HDAC9: variants seen among roughly 807,000 people sequenced by gnomAD.
HDAC9 encodes the protein histone deacetylase 9.
Under a neutral mutation model 139.4 loss-of-function variants are expected in HDAC9, and 41 were observed. That is an observed-to-expected ratio of 0.29 (90% CI 0.23 to 0.38). HDAC9 has a LOEUF of 0.38. Ranked by LOEUF, HDAC9 falls within the 10% of genes least tolerant of loss-of-function variation. The pLI, the probability that HDAC9 is intolerant of heterozygous loss-of-function variation, is 1.00. For missense variants in HDAC9, 1,147 were observed against 1,297.0 expected (o/e 0.88, Z 1.78); for synonymous variants, 517 against 476.2 (o/e 1.09, Z -1.12).
chr7:18,974,753 C>T (rs1456578155), intron 24 of HDAC9, among the ~76,000 whole-genome samples: 2 of 152,172 alleles, frequency 1.3e-5, no homozygotes, highest in Non-Finnish European at 2.9e-5. Flanking sequence ...GTTAGAGCTG[C>T]AAGAGACTTG....
chr7:18,799,428 A>G (rs1037526317), intron 17 of HDAC9, among the ~76,000 whole-genome samples: 32 of 152,226 alleles, frequency 2.1e-4, no homozygotes, highest in African/African-American at 7.5e-4. Flanking sequence ...AAATCAGTCA[A>G]TAATAACTGT....
At chr7:18,345,323 C>T (rs914748581) in intron 1 of HDAC9, among the ~76,000 whole-genome samples, 1 of 151,884 alleles carries the variant, frequency 6.6e-6, no homozygotes. Context: ...TTCTTCATTG[C>T]TTTCAGGAAT....
intron 1 of HDAC9, among the ~76,000 whole-genome samples, chr7:18,143,132 T>C (rs1178359): frequency 0.45 from 68,237 of 152,090 alleles, 18,150 homozygotes; most frequent in African/African-American, 0.75. Context: ...GATCTCCCCC[T>C]GCTTTTGTAA....
intron 17 of HDAC9, among the ~76,000 whole-genome samples, chr7:18,800,474 T>C (rs1176158069): frequency 6.6e-6 from 1 of 152,224 alleles, no homozygotes; most frequent in Non-Finnish European, 1.5e-5. Context: ...ATTGAGTCTA[T>C]TTGTTTCTGA....
chr7:18,510,637 G>C (rs115115750), intron 2 of HDAC9, among the ~76,000 whole-genome samples: 15 of 152,172 alleles, frequency 9.9e-5, no homozygotes, highest in African/African-American at 3.6e-4. Flanking sequence ...TATTTGACAA[G>C]GGGGCAAGGA....
At chr7:18,822,047 CCTGGAAACTCT>C (rs1386749136) in intron 17 of HDAC9, among the ~76,000 whole-genome samples, 1 of 152,160 alleles carries the variant, frequency 6.6e-6, no homozygotes, top group Non-Finnish European at 1.5e-5. Flanking sequence ...TGTTCACCAG[CCTGGAAACTCT>C]CTGAACCTTA....
chr7:18,482,380 CAAAAAAAAAAAAAAAAAAAAAAAAAAAA>C (rs566243064), intron 1 of HDAC9, among the ~76,000 whole-genome samples: 2 of 32,330 alleles, frequency 6.2e-5, no homozygotes, highest in African/African-American at 3.4e-4. Context: ...CTGGACTCAC[CAAAAAAAAAAAAAAAAAAAAAAAAAAAA>C]AAAAAAAAAT....
intron 2 of HDAC9, among the ~76,000 whole-genome samples, chr7:18,263,446 A>G (rs1478268025): frequency 6.6e-6 from 1 of 152,098 alleles, no homozygotes; most frequent in African/African-American, 2.4e-5. Context: ...AAGGAACCAA[A>G]CATTTACTGA....
chr7:18,626,067 A>T (rs1031204132), intron 6 of HDAC9, among the ~76,000 whole-genome samples: 1 of 151,954 alleles, frequency 6.6e-6, no homozygotes, highest in African/African-American at 2.4e-5. Context: ...CTTAACAAGG[A>T]AGTTAGTAAG....
chr7:18,951,577 A>C (rs560518308), intron 23 of HDAC9, among the ~76,000 whole-genome samples: 128 of 151,918 alleles, frequency 8.4e-4, no homozygotes, highest in African/African-American at 2.8e-3. Context: ...TTTTGCATGC[A>C]AAAGTTGTCT....
chr7:18,980,572 T>C (rs1254036154), intron 25 of HDAC9, among the ~76,000 whole-genome samples: 1 of 152,242 alleles, frequency 6.6e-6, no homozygotes, highest in African/African-American at 2.4e-5. Context: ...ACCTGGCATG[T>C]AGTAAATACT....
chr7:18,629,877 C>T (rs1172026923), intron 7 of HDAC9, among the ~76,000 whole-genome samples: 1 of 152,090 alleles, frequency 6.6e-6, no homozygotes, highest in South Asian at 2.1e-4. Context: ...GTACAAAATA[C>T]ATCTGGGAAA....
At chr7:18,915,567 C>A (rs915153309) in intron 22 of HDAC9, among the ~76,000 whole-genome samples, 1 of 151,442 alleles carries the variant, frequency 6.6e-6, no homozygotes, top group Non-Finnish European at 1.5e-5. Context: ...GAAAGAATGA[C>A]AGTTTGCAAA....
intron 1 of HDAC9, among the ~76,000 whole-genome samples, chr7:18,448,971 G>A (rs886645883): frequency 1.3e-5 from 2 of 152,056 alleles, no homozygotes; most frequent in African/African-American, 4.8e-5. Context: ...AAGCTCTTGG[G>A]CCAATTAATA....
intron 2 of HDAC9, among the ~76,000 whole-genome samples, chr7:18,506,609 G>C (rs1306582705): frequency 1.3e-5 from 2 of 150,592 alleles, no homozygotes; most frequent in Non-Finnish European, 3.0e-5. Context: ...TTTAAGAATT[G>C]GTTTATGAAA....
intron 21 of HDAC9, among the ~76,000 whole-genome samples, chr7:18,869,310 T>TG (rs1563006228): frequency 6.6e-6 from 1 of 151,996 alleles, no homozygotes; most frequent in East Asian, 1.9e-4. Context: ...GATTGGATCA[T>TG]GGGGGTGGTT....
chr7:18,874,030 A>G (rs764766571), intron 21 of HDAC9, among the ~76,000 whole-genome samples: 19 of 151,920 alleles, frequency 1.3e-4, no homozygotes, highest in East Asian at 1.9e-4. Flanking sequence ...TGGGAAAGCA[A>G]ACTTTTCCCA....
chr7:18,262,805 G>T (rs1795764285), intron 2 of HDAC9, among the ~76,000 whole-genome samples: 1 of 151,966 alleles, frequency 6.6e-6, no homozygotes, highest in African/African-American at 2.4e-5. Flanking sequence ...TACCTACATT[G>T]TTATAAATTG....
intron 2 of HDAC9, among the ~76,000 whole-genome samples, chr7:18,208,699 C>T (rs1291417056): frequency 6.6e-6 from 1 of 151,492 alleles, no homozygotes; most frequent in Non-Finnish European, 1.5e-5. Flanking sequence ...AAATTGTAAA[C>T]AAAGTTATCA....
Sources: allele counts gnomAD v4.1 joint callset (sites outside exome capture counted in the v4.1 genomes callset), GRCh38; gene constraint gnomAD v4.1.1; transcripts MANE v1.5; gene names NCBI Gene and HGNC (gene_info 2026-07-23, HGNC 2026-07-21).